VWA3B: variants seen among roughly 807,000 people sequenced by gnomAD.
VWA3B encodes von Willebrand factor A domain containing 3B.
Under a neutral mutation model 158.3 loss-of-function variants are expected in VWA3B, and 138 were observed. The observed-to-expected ratio is 0.87, with a 90% confidence interval of 0.76 to 1.00. The LOEUF is 1.00. VWA3B is among the 50% of genes least tolerant of loss of function. The probability of loss-of-function intolerance (pLI) is 0.00; values close to 1 mark genes in which losing one functional copy is unlikely to be tolerated. For synonymous variants in VWA3B, 596 were observed against 587.3 expected, an observed-to-expected ratio of 1.01 and a Z score of -0.21; for missense variants, 1,555 against 1,565.1, an observed-to-expected ratio of 0.99 and a Z score of 0.11.
chr2:98,256,598 C>T (rs1031981192), intron 21 of VWA3B, among the ~76,000 whole-genome samples: 1 of 152,174 alleles, frequency 6.6e-6, no homozygotes, highest in African/African-American at 2.4e-5. Flanking sequence ...CACTGACGGG[C>T]ATTTGGGTTG....
chr2:98,163,070 C>T, intron 8 of VWA3B, 94 bp downstream of exon 8: 2 of 1,554,424 alleles, frequency 1.3e-6, no homozygotes, highest in Non-Finnish European at 8.7e-7. Flanking sequence ...CAGAGAAGCT[C>T]CAGAGCCCAG....
intron 13 of VWA3B, among the ~76,000 whole-genome samples, chr2:98,212,474 C>T (rs534590900): frequency 6.6e-6 from 1 of 152,244 alleles, no homozygotes; most frequent in South Asian, 2.1e-4. Context: ...AGCGAAATGT[C>T]CTTTGTTTTG....
chr2:98,328,165 T>A, the VWA3B span, among the ~76,000 whole-genome samples: 1 of 152,166 alleles, frequency 6.6e-6, no homozygotes, highest in Admixed American at 6.6e-5. Context: ...CCACTCATGG[T>A]GATATTTTTT....
intron 21 of VWA3B, among the ~76,000 whole-genome samples, chr2:98,259,750 C>T (rs1469469017): frequency 2.6e-5 from 4 of 151,386 alleles, no homozygotes; most frequent in Admixed American, 6.6e-5. Flanking sequence ...AAGTGCTCTC[C>T]TCTTTATTAT....
chr2:98,214,490 T>G (rs995498674), intron 13 of VWA3B, among the ~76,000 whole-genome samples: 1 of 152,192 alleles, frequency 6.6e-6, no homozygotes, highest in Non-Finnish European at 1.5e-5. Flanking sequence ...AAATTCTCCC[T>G]CTCACCCCTT....
chr2:98,163,121 G>A, intron 8 of VWA3B, 145 bp downstream of exon 8: 2 of 1,335,962 alleles, frequency 1.5e-6, no homozygotes, highest in Non-Finnish European at 1.0e-6. Flanking sequence ...AGCTGTGTGG[G>A]GTGAGGGGTG....
At chr2:98,215,799 A>G (rs1683939015) in intron 13 of VWA3B, among the ~76,000 whole-genome samples, 1 of 152,122 alleles carries the variant, frequency 6.6e-6, no homozygotes, top group East Asian at 1.9e-4. Context: ...TAAAGGTGTG[A>G]GCCACCGCGC....
rs534351736 is a variant in VWA3B, at chr2:98,143,752, C to CTT, written c.988+9829_988+9830dup. On this transcript the variant is annotated intron_variant, in intron 7 of 27. Coordinates refer to ENST00000477737, the MANE Select transcript of VWA3B (RefSeq NM_144992.5). ...CTTTAGCTTTCTTTTCTTTTCTTTT[C>CTT]TTTTTTTTTTTTTTTTTGAGACATG... Among the ~76,000 whole-genome samples the CTT allele has an allele frequency of 4.6e-3, 608 of 130,922 alleles. 7 individuals are homozygous for CTT. The highest frequency in any genetic ancestry group is 6.0e-3 in the Non-Finnish European group (368 of 61,360). 85.9% of individuals were successfully genotyped at this position (130,922 alleles called of 152,430 possible). A position where few individuals can be genotyped will look rare whatever the true frequency, so the allele number is the denominator to read the frequency against.
intron 12 of VWA3B, among the ~76,000 whole-genome samples, chr2:98,210,733 C>G (rs1683440945): frequency 6.6e-6 from 1 of 152,136 alleles, no homozygotes; most frequent in Non-Finnish European, 1.5e-5. Flanking sequence ...GTCTCTGCTC[C>G]CTTCTTATCC....
chr2:98,326,758 A>G, the VWA3B span, among the ~76,000 whole-genome samples: 38 of 151,986 alleles, frequency 2.5e-4, no homozygotes, highest in African/African-American at 8.5e-4. Context: ...CCCTATCTCA[A>G]GAAAATAAAT....
rs759997020 is a variant in VWA3B, at chr2:98,311,985, G to C, written c.3688G>C (p.Gly1230Arg). 3.7e-6 allele frequency: 6 copies of C among 1,604,142 alleles called. No individual in the cohort carries two copies. Among genetic ancestry groups the C allele is most frequent in the Non-Finnish European group, 4.3e-6 (5 of 1,175,344 alleles). The change falls in exon 27 of 28, where the codon GGC becomes CGC. Residue 1230 changes from glycine to arginine, a missense_variant. Transcript: ENST00000477737. Reference protein sequence around the residue: ...APSDSDGSSHGISSHGSCQGT... With the variant: ...APSDSDGSSHRISSHGSCQGT... Reference sequence around the variant, plus strand: ...CTCGGACTCGGACGGCTCCTCCCACGGCATCAGCTCCCATGGGTCCTGCCA... The same window carrying C: ...CTCGGACTCGGACGGCTCCTCCCACCGCATCAGCTCCCATGGGTCCTGCCA...
intron 2 of VWA3B, among the ~76,000 whole-genome samples, chr2:98,109,305 T>C (rs373373193): frequency 4.9e-4 from 74 of 152,332 alleles, no homozygotes; most frequent in African/African-American, 1.7e-3. Context: ...ATGTTTTCTA[T>C]TGTATATCTT....
chr2:98,296,512 C>A (rs541547204), intron 23 of VWA3B, among the ~76,000 whole-genome samples: 23 of 151,742 alleles, frequency 1.5e-4, no homozygotes, highest in East Asian at 9.6e-4. Flanking sequence ...GCATATTTTT[C>A]AAAAAAAATT....
At chr2:98,168,727 A>C (rs868846835) in intron 8 of VWA3B, among the ~76,000 whole-genome samples, 2 of 152,222 alleles carry the variant, frequency 1.3e-5, no homozygotes, top group South Asian at 4.1e-4. Context: ...ATAGCAGATT[A>C]GACATCGCAG....
intron 22 of VWA3B, among the ~76,000 whole-genome samples, chr2:98,280,814 G>T (rs532773682): frequency 1.4e-4 from 21 of 152,172 alleles, no homozygotes; most frequent in Non-Finnish European, 2.9e-4. Flanking sequence ...AAAGGAAGGG[G>T]ATCAAAACCC....
chr2:98,116,395 C>T (rs1281347429), intron 3 of VWA3B, among the ~76,000 whole-genome samples: 3 of 151,978 alleles, frequency 2.0e-5, no homozygotes, highest in East Asian at 1.9e-4. Context: ...ACCCTATCCT[C>T]GAATATGTCT....
At chr2:98,111,969 G>A (rs1413591565) in intron 2 of VWA3B, among the ~76,000 whole-genome samples, 2 of 152,024 alleles carry the variant, frequency 1.3e-5, no homozygotes, top group East Asian at 3.8e-4. Context: ...TGCTGTTGAG[G>A]ACTTAGTTAT....
intron 7 of VWA3B, among the ~76,000 whole-genome samples, chr2:98,151,066 A>G (rs1205644750): frequency 6.6e-6 from 1 of 151,870 alleles, no homozygotes; most frequent in Admixed American, 6.5e-5. Flanking sequence ...ACAGGTCTAC[A>G]TGTCACCTGC....
intron 7 of VWA3B, among the ~76,000 whole-genome samples, chr2:98,143,466 T>C (rs1219127301): frequency 1.3e-5 from 2 of 152,248 alleles, no homozygotes; most frequent in Non-Finnish European, 2.9e-5. Flanking sequence ...AGCACTGCTC[T>C]AGCTGTGTAC....
Sources: gnomAD v4.1 joint callset for allele counts (sites outside exome capture counted in the v4.1 genomes callset) on GRCh38, gnomAD v4.1.1 for gene constraint, MANE v1.5 for transcripts, NCBI Gene and HGNC (gene_info 2026-07-23, HGNC 2026-07-21) for gene names.